SLC35D2: variants seen among roughly 807,000 people sequenced by gnomAD.
SLC35D2 encodes nucleotide sugar transporter SLC35D2.
In SLC35D2, 43 loss-of-function variants were observed where a neutral mutation model predicts 41.8. That is an observed-to-expected ratio of 1.03 (90% CI 0.81 to 1.33). SLC35D2 has a LOEUF of 1.33. Ranked by LOEUF, SLC35D2 falls within the 40% of genes most tolerant of loss-of-function variation. The probability of loss-of-function intolerance (pLI) is 0.00; values close to 1 mark genes in which losing one functional copy is unlikely to be tolerated. For synonymous variants in SLC35D2, 150 were observed against 163.9 expected (o/e 0.92, Z 0.65); for missense variants, 380 against 408.4 (o/e 0.93, Z 0.60).
At chr9:96,335,549 G>A (rs1225364560) in intron 9 of SLC35D2, among the ~76,000 whole-genome samples, 4 of 152,018 alleles carry the variant, frequency 2.6e-5, no homozygotes, top group Non-Finnish European at 4.4e-5. Context: ...TAGTAGAGAT[G>A]GGGTTATGCC....
intron 1 of SLC35D2, among the ~76,000 whole-genome samples, chr9:96,381,280 C>T (rs1831188934): frequency 6.6e-6 from 1 of 152,256 alleles, no homozygotes. Context: ...TGATTTAGAT[C>T]ATGTAATTCC....
At chr9:96,331,099 T>C (rs1292195829) in intron 9 of SLC35D2, among the ~76,000 whole-genome samples, 2 of 152,166 alleles carry the variant, frequency 1.3e-5, no homozygotes, top group Non-Finnish European at 2.9e-5. Flanking sequence ...GGTTTCGCCA[T>C]GTTGGCCAGG....
intron 9 of SLC35D2, among the ~76,000 whole-genome samples, chr9:96,335,423 G>A (rs1047960834): frequency 7.2e-5 from 11 of 152,044 alleles, no homozygotes; most frequent in African/African-American, 2.4e-4. Context: ...GCCGTGGCGC[G>A]ATCTTGGCTC....
At chr9:96,347,779 G>A (rs951391112) in intron 6 of SLC35D2, among the ~76,000 whole-genome samples, 17 of 152,082 alleles carry the variant, frequency 1.1e-4, no homozygotes, top group African/African-American at 3.9e-4. Flanking sequence ...ATAGGAAGCC[G>A]GCACAAAATA....
Position 96,383,702 on chromosome 9 carries a change from C to G in SLC35D2, c.-68G>C, listed in dbSNP as rs1831309597. ...GCGCACTGGTCCCGCCCGGCCGGGC[C>G]GGGGAAGAGGGCGCGGCAGGAACAG... On this transcript the variant is annotated 5_prime_UTR_variant, in exon 1 of 12. Transcript: ENST00000253270. The G allele has an allele frequency of 1.1e-6, 1 of 931,666 alleles. No homozygotes were observed. Among genetic ancestry groups the G allele is most frequent in the Admixed American group, 6.1e-5 (1 of 16,420 alleles). 57.7% of individuals were successfully genotyped at this position (931,666 alleles called of 1,614,324 possible).
chr9:96,345,082 T>C (rs894362920), intron 7 of SLC35D2, among the ~76,000 whole-genome samples: 1 of 152,170 alleles, frequency 6.6e-6, no homozygotes, highest in Non-Finnish European at 1.5e-5. Context: ...ATGTTCTGAG[T>C]GTGCATCTAA....
chr9:96,336,846 G>A, intron 8 of SLC35D2, 62 bp from the exon 9 acceptor site: 1 of 985,876 alleles, frequency 1.0e-6, no homozygotes, highest in East Asian at 2.6e-5. Flanking sequence ...AAATTTACTG[G>A]TTTTACCAAA....
In SLC35D2 at chr9:96,321,351, G is replaced by T; in HGVS notation, c.915-10C>A. 6.3e-7 allele frequency: 1 copy of T among 1,597,168 alleles called. No individual in the cohort carries two copies. The highest frequency in any genetic ancestry group is 8.5e-7 in the Non-Finnish European group (1 of 1,169,876). On this transcript the variant is annotated splice_polypyrimidine_tract_variant and intron_variant, in intron 11 of 11. Transcript: ENST00000253270. Reference sequence around the variant, plus strand: ...CAAGCCCCCTGCCATGCTGAAAGGAGAAAAAAAAGTGAAAATAAATGACTG... The same window carrying T: ...CAAGCCCCCTGCCATGCTGAAAGGATAAAAAAAAGTGAAAATAAATGACTG...
At chr9:96,360,536 G>A (rs963859453) in intron 3 of SLC35D2, among the ~76,000 whole-genome samples, 5 of 146,434 alleles carry the variant, frequency 3.4e-5, no homozygotes, top group African/African-American at 1.3e-4. Context: ...GGCTGAGGCA[G>A]GAGAATCACT....
intron 4 of SLC35D2, among the ~76,000 whole-genome samples, chr9:96,354,976 T>C (rs535477092): frequency 2.0e-4 from 30 of 150,890 alleles, no homozygotes; most frequent in Non-Finnish European, 3.5e-4. Flanking sequence ...AGTGGAAGAA[T>C]TGCTTGAGGC....
chr9:96,366,089 GC>G (rs1564121194), intron 2 of SLC35D2, among the ~76,000 whole-genome samples: 1 of 152,108 alleles, frequency 6.6e-6, no homozygotes, highest in African/African-American at 2.4e-5. Context: ...GATCGCTTGA[GC>G]CCAGAAGTTC....
chr9:96,326,844 G>A (rs1295194429), intron 9 of SLC35D2, among the ~76,000 whole-genome samples: 1 of 149,884 alleles, frequency 6.7e-6, no homozygotes, highest in Admixed American at 6.7e-5. Flanking sequence ...TTCTCAAATT[G>A]TTATAATTTT....
At chr9:96,353,786 G>A (rs898465934) in intron 4 of SLC35D2, among the ~76,000 whole-genome samples, 12 of 152,200 alleles carry the variant, frequency 7.9e-5, no homozygotes, top group Admixed American at 5.9e-4. Context: ...GAGATTCCAC[G>A]ATGCAGCTCA....
intron 5 of SLC35D2, 126 bp downstream of exon 5, chr9:96,351,912 C>T: frequency 1.8e-6 from 1 of 543,660 alleles, no homozygotes; most frequent in Non-Finnish European, 3.3e-6. Context: ...CACAAAACTA[C>T]TTTTAAATGA....
chr9:96,323,708 C>T (rs956501358), intron 10 of SLC35D2, among the ~76,000 whole-genome samples: 12 of 151,914 alleles, frequency 7.9e-5, no homozygotes, highest in Admixed American at 6.6e-5. Context: ...GGGTGGATCA[C>T]GAGGTCAGGA....
intron 9 of SLC35D2, among the ~76,000 whole-genome samples, chr9:96,326,934 C>G (rs2130846797): frequency 6.6e-6 from 1 of 152,102 alleles, no homozygotes; most frequent in East Asian, 1.9e-4. Context: ...TTAAAAAACT[C>G]AAACTGATGC....
At chr9:96,323,514 C>CT (rs1019749579) in intron 10 of SLC35D2, among the ~76,000 whole-genome samples, 76 of 152,140 alleles carry the variant, frequency 5.0e-4, no homozygotes, top group African/African-American at 1.7e-3. Context: ...TTCTTTTTAG[C>CT]TTTTTACTTC....
At chr9:96,373,456 G>A (rs7862759) in intron 1 of SLC35D2, among the ~76,000 whole-genome samples, 43,300 of 151,856 alleles carry the variant, frequency 0.29, 8,487 homozygotes, top group African/African-American at 0.56. Context: ...TGGGAGGCCA[G>A]GTCAGGCGGA....
Position 96,351,184 on chromosome 9 carries a change from C to A in SLC35D2, c.420-13G>T, listed in dbSNP as rs1351421797. ...TGAATACTGCTTCCTGTAATAAATACACAAATAAGAAAGGAAAGGGAGCAG... is the reference window on the plus strand; with the variant it reads ...TGAATACTGCTTCCTGTAATAAATAAACAAATAAGAAAGGAAAGGGAGCAG... On this transcript the variant is annotated splice_polypyrimidine_tract_variant and intron_variant, in intron 5 of 11. Transcript: ENST00000253270. The A allele has an allele frequency of 8.3e-6, 13 of 1,567,248 alleles. No homozygotes were observed. Among genetic ancestry groups the A allele is most frequent in the Non-Finnish European group, 1.1e-5 (13 of 1,138,154 alleles).
Sources: gnomAD v4.1 joint callset for allele counts (sites outside exome capture counted in the v4.1 genomes callset) on GRCh38, gnomAD v4.1.1 for gene constraint, MANE v1.5 for transcripts, NCBI Gene and HGNC (gene_info 2026-07-23, HGNC 2026-07-21) for gene names.